The following FLRT2 variants were observed in gnomAD, a reference collection of about 807,000 sequenced individuals.
FLRT2 encodes the protein fibronectin leucine rich transmembrane protein 2, also known as leucine-rich repeat transmembrane protein FLRT2.
Under a neutral mutation model 40.0 loss-of-function variants are expected in FLRT2, and 15 were observed. That is an observed-to-expected ratio of 0.38 (90% CI 0.25 to 0.58). FLRT2 has a LOEUF of 0.58. Among genes scored for constraint, FLRT2 ranks in the 20% least tolerant of loss-of-function variants. FLRT2 has a pLI of 0.71. For synonymous variants in FLRT2, 380 were observed against 336.8 expected (o/e 1.13, Z -1.41); for missense variants, 726 against 840.0 (o/e 0.86, Z 1.68).
chr14:85,557,395 T>G (rs1368518050), intron 1 of FLRT2, among the ~76,000 whole-genome samples: 1 of 152,136 alleles, frequency 6.6e-6, no homozygotes, highest in Non-Finnish European at 1.5e-5. Flanking sequence ...TTAATAAATC[T>G]TCTGGAATTT....
intron 1 of FLRT2, among the ~76,000 whole-genome samples, chr14:85,538,156 G>A (rs576624171): frequency 5.3e-5 from 8 of 152,074 alleles, no homozygotes; most frequent in Non-Finnish European, 1.0e-4. Context: ...TTTAATGTAG[G>A]ATGTGTTCCT....
Position 85,635,477 on chromosome 14 carries a change from TAG to T in FLRT2, c.*11983_*11984del, listed in dbSNP as rs1002350080. ...TTATTTAAGTCAAAATTATCAAAGATAGAGTGTCGTACAATAAAAATTGTATA... is the reference window on the plus strand; with the variant it reads ...TTATTTAAGTCAAAATTATCAAAGATAGTGTCGTACAATAAAAATTGTATA... On this transcript the variant is annotated 3_prime_UTR_variant, in exon 2 of 2. Coordinates refer to ENST00000330753, the MANE Select transcript of FLRT2 (RefSeq NM_013231.6). 2.0e-5 allele frequency: 3 copies of T among 152,034 alleles called. No homozygotes were observed. The highest frequency in any genetic ancestry group is 7.2e-5 in the African/African-American group (3 of 41,432). The allele number at this position is 152,034 out of a possible 1,614,324, so 9.4% of individuals were successfully genotyped here.
chr14:85,615,435 G>A (rs1893079688), intron 1 of FLRT2, among the ~76,000 whole-genome samples: 3 of 152,116 alleles, frequency 2.0e-5, no homozygotes. Flanking sequence ...ACTGGAGCCT[G>A]GAAATGGCCA....
rs534318371 is a variant in FLRT2 at position 85,649,028 on chromosome 14, C to A, written c.*25531C>A. ...AAATATTTTGGCTACAGGGAGTGCT[C>A]CAATTTTGATACTCTCCCTGTCAAT... On this transcript the variant is annotated 3_prime_UTR_variant, in exon 2 of 2. Transcript: ENST00000330753. 2 of 152,122 alleles carry A rather than the reference C, an allele frequency of 1.3e-5. No homozygotes were observed. Among genetic ancestry groups the A allele is most frequent in the South Asian group, 4.2e-4 (2 of 4,806 alleles). 9.4% of individuals were successfully genotyped at this position (152,122 alleles called of 1,614,324 possible). A position where few individuals can be genotyped will look rare whatever the true frequency, so the allele number is the denominator to read the frequency against.
At chr14:85,557,124 A>G (rs1890014018) in intron 1 of FLRT2, among the ~76,000 whole-genome samples, 1 of 152,168 alleles carries the variant, frequency 6.6e-6, no homozygotes, top group Admixed American at 6.5e-5. Context: ...AATTATGGGA[A>G]TATGATTCAA....
At chr14:85,568,130 C>T (rs1890716273) in intron 1 of FLRT2, among the ~76,000 whole-genome samples, 1 of 151,418 alleles carries the variant, frequency 6.6e-6, no homozygotes, top group Admixed American at 6.6e-5. Flanking sequence ...TGGCCCTTTC[C>T]CTGTTTTATA....
intron 1 of FLRT2, among the ~76,000 whole-genome samples, chr14:85,584,433 G>T (rs927663526): frequency 1.3e-5 from 2 of 152,328 alleles, no homozygotes; most frequent in Admixed American, 6.5e-5. Flanking sequence ...TCTTAATTCT[G>T]TATTTCTGTA....
chr14:85,555,731 A>T (rs1595014042), intron 1 of FLRT2, among the ~76,000 whole-genome samples: 1 of 135,572 alleles, frequency 7.4e-6, no homozygotes, highest in South Asian at 2.4e-4. Context: ...ATTTTATTTT[A>T]TTTTTTTAGA....
At position 85,649,486 on chromosome 14, in the gene FLRT2, C is replaced by T. The variant is rs1383951490; in HGVS notation, c.*25989C>T. On this transcript the variant is annotated 3_prime_UTR_variant, in exon 2 of 2. Transcript: ENST00000330753. ...GTTCAGTGTTTTGTCAGATGAACTC[C>T]TTAACCACATTTGTTATCAGTAGCA... 1 of 152,164 alleles carries T rather than the reference C, an allele frequency of 6.6e-6. No individual in the cohort carries two copies. The highest frequency in any genetic ancestry group is 1.9e-4 in the East Asian group (1 of 5,180). 9.4% of individuals were successfully genotyped at this position (152,164 alleles called of 1,614,324 possible). A position where few individuals can be genotyped will look rare whatever the true frequency, so the allele number is the denominator to read the frequency against.
chr14:85,601,233 T>C (rs1386356127), intron 1 of FLRT2, among the ~76,000 whole-genome samples: 1 of 152,214 alleles, frequency 6.6e-6, no homozygotes, highest in African/African-American at 2.4e-5. Flanking sequence ...AATGTTGCCC[T>C]GGGCAGGCGG....
intron 1 of FLRT2, among the ~76,000 whole-genome samples, chr14:85,532,652 T>G (rs1280341375): frequency 6.6e-6 from 1 of 152,148 alleles, no homozygotes; most frequent in Non-Finnish European, 1.5e-5. Context: ...AGTGGGGGTG[T>G]TTAAATTAAT....
rs116035750 is a variant in FLRT2, at chr14:85,623,020, C to T, written c.1506C>T (p.Arg502=). 582 of 1,614,184 alleles carry T rather than the reference C, an allele frequency of 3.6e-4. 1 individual carries two copies. In the African/African-American group the frequency reaches 6.7e-3, roughly 19 times the overall value. The change falls in exon 2 of 2, where the codon CGC becomes CGT. Residue 502 remains arginine, a synonymous_variant. Transcript: ENST00000330753. ...CLVPLDAFNY[R]AVEDTICSEA... ...TGCCACTGGATGCTTTTAACTACCG[C>T]GCGGTAGAAGACACCATTTGTTCAG...
At chr14:85,572,546 G>A (rs1890942064) in intron 1 of FLRT2, among the ~76,000 whole-genome samples, 1 of 152,056 alleles carries the variant, frequency 6.6e-6, no homozygotes, top group Non-Finnish European at 1.5e-5. Context: ...AGCATGTGTT[G>A]GCTAACTGAT....
Position 85,632,299 on chromosome 14 carries a change from G to A in FLRT2, c.*8802G>A. On this transcript the variant is annotated 3_prime_UTR_variant, in exon 2 of 2. Coordinates refer to ENST00000330753, the MANE Select transcript of FLRT2 (RefSeq NM_013231.6). ...ATCCTGGCCAACATGGTGAAACCCT[G>A]TCTCTACTAAAAATACAAAAAATTT... 1 of 151,906 alleles carries A rather than the reference G, an allele frequency of 6.6e-6. No individual in the cohort carries two copies. Among genetic ancestry groups the A allele is most frequent in the Non-Finnish European group, 1.5e-5 (1 of 68,050 alleles). 9.4% of individuals were successfully genotyped at this position (151,906 alleles called of 1,614,324 possible).
chr14:85,618,231 T>C (rs764299339), intron 1 of FLRT2, among the ~76,000 whole-genome samples: 1 of 152,198 alleles, frequency 6.6e-6, no homozygotes, highest in Non-Finnish European at 1.5e-5. Flanking sequence ...TAGCCCCTAA[T>C]ACTTGGCCTA....
In FLRT2 at chr14:85,632,072, C is replaced by G. The variant is rs576136407; in HGVS notation, c.*8575C>G. 55 of 152,242 alleles carry G rather than the reference C, an allele frequency of 3.6e-4. No homozygotes were observed. The highest frequency in any genetic ancestry group is 5.1e-4 in the Non-Finnish European group (35 of 68,094). 9.4% of individuals were successfully genotyped at this position (152,242 alleles called of 1,614,324 possible). A position where few individuals can be genotyped will look rare whatever the true frequency, so the allele number is the denominator to read the frequency against. On this transcript the variant is annotated 3_prime_UTR_variant, in exon 2 of 2. Transcript: ENST00000330753. ...AACTCCTGACCTCAGGTGATCCCCC[C>G]ACCTAGGCCTCCCAAAGTGCTGGGA...
chr14:85,572,739 C>T (rs1406446437), intron 1 of FLRT2, among the ~76,000 whole-genome samples: 2 of 152,112 alleles, frequency 1.3e-5, no homozygotes, highest in Non-Finnish European at 2.9e-5. Context: ...TTCGTGTGTG[C>T]CTTGTGCCCT....
At position 85,632,254 on chromosome 14, in the gene FLRT2, G is replaced by A. The variant is rs555072986; in HGVS notation, c.*8757G>A. On this transcript the variant is annotated 3_prime_UTR_variant, in exon 2 of 2. Transcript: ENST00000330753. ...TGGGAGGCCGAGGTGGGCAGATCAC[G>A]AGGTCAAGAAATCAAGACCATCCTG... 2 of 152,004 alleles carry A rather than the reference G, an allele frequency of 1.3e-5. No individual in the cohort carries two copies. The highest frequency in any genetic ancestry group is 6.6e-5 in the Admixed American group (1 of 15,258). 9.4% of individuals were successfully genotyped at this position (152,004 alleles called of 1,614,324 possible). A position where few individuals can be genotyped will look rare whatever the true frequency, so the allele number is the denominator to read the frequency against.
intron 1 of FLRT2, among the ~76,000 whole-genome samples, chr14:85,552,130 A>G (rs770089088): frequency 1.3e-4 from 20 of 152,150 alleles, no homozygotes; most frequent in Non-Finnish European, 5.9e-5. Flanking sequence ...CTGTCAATTT[A>G]CTGAACCTTG....
Sources: gnomAD v4.1 joint callset for allele counts (sites outside exome capture counted in the v4.1 genomes callset) on GRCh38, gnomAD v4.1.1 for gene constraint, MANE v1.5 for transcripts, NCBI Gene and HGNC (gene_info 2026-07-23, HGNC 2026-07-21) for gene names.